ZNF536: variants seen among roughly 807,000 people sequenced by gnomAD.
ZNF536 encodes zinc finger protein 536.
In ZNF536, 13 loss-of-function variants were observed where a neutral mutation model predicts 84.5. The ratio of observed to expected loss-of-function variants is 0.15; its 90% CI spans 0.10 to 0.24. ZNF536 has a LOEUF of 0.24. ZNF536 is among the 10% of genes least tolerant of loss of function. ZNF536 has a pLI of 1.00. For missense variants in ZNF536, 1,536 were observed against 1,747.5 expected (o/e 0.88, Z 2.16); for synonymous variants, 811 against 742.5 (o/e 1.09, Z -1.50).
chr19:30,577,518 G>A (rs917158279), intron 1 of ZNF536, among the ~76,000 whole-genome samples: 3 of 152,124 alleles, frequency 2.0e-5, no homozygotes, highest in Non-Finnish European at 4.4e-5. Flanking sequence ...CCTTGAGATA[G>A]TATTTAAGTA....
intron 1 of ZNF536, among the ~76,000 whole-genome samples, chr19:30,699,294 T>G (rs1240557510): frequency 1.3e-5 from 2 of 152,218 alleles, no homozygotes; most frequent in Non-Finnish European, 2.9e-5. Context: ...TAAGGAAATA[T>G]ATGCTTGTGT....
At chr19:30,530,922 C>A (rs532760756) in intron 2 of ZNF536, among the ~76,000 whole-genome samples, 4 of 152,212 alleles carry the variant, frequency 2.6e-5, no homozygotes, top group African/African-American at 9.7e-5. Flanking sequence ...TCCTCACCAG[C>A]ACCCATCCTG....
intron 1 of ZNF536, among the ~76,000 whole-genome samples, chr19:30,407,972 G>A (rs890341257): frequency 2.0e-5 from 3 of 152,130 alleles, no homozygotes; most frequent in South Asian, 2.1e-4. Context: ...GAAAGTGGCC[G>A]TCATGAAATC....
At chr19:30,560,583 C>A (rs1057468907), downstream of ZNF536, among the ~76,000 whole-genome samples, 1 of 151,924 alleles carries the variant, frequency 6.6e-6, no homozygotes, top group African/African-American at 2.4e-5. Flanking sequence ...TAAGAGACCA[C>A]CCCCCCGCCC....
At chr19:30,585,803 C>T (rs2047076084) in intron 1 of ZNF536, among the ~76,000 whole-genome samples, 1 of 152,148 alleles carries the variant, frequency 6.6e-6, no homozygotes, top group African/African-American at 2.4e-5. Flanking sequence ...CCTCACGTCC[C>T]CCAACAAGCC....
intron 1 of ZNF536, among the ~76,000 whole-genome samples, chr19:30,692,049 C>T (rs1200758411): frequency 2.0e-5 from 3 of 152,170 alleles, no homozygotes; most frequent in Non-Finnish European, 4.4e-5. Context: ...CCCAGGCTGC[C>T]CTTAAGAGTT....
At chr19:30,404,093 G>A (rs2050167241) in intron 1 of ZNF536, among the ~76,000 whole-genome samples, 1 of 128,410 alleles carries the variant, frequency 7.8e-6, no homozygotes, top group Admixed American at 9.8e-5. Context: ...TCCATCCCAC[G>A]TTTCTTATTG....
At chr19:30,451,658 G>A (rs1600792533) in intron 2 of ZNF536, among the ~76,000 whole-genome samples, 1 of 152,160 alleles carries the variant, frequency 6.6e-6, no homozygotes, top group Non-Finnish European at 1.5e-5. Context: ...GGCAGGACAT[G>A]GTTTTGCTTG....
intron 1 of ZNF536, among the ~76,000 whole-genome samples, chr19:30,272,871 C>T (rs190407744): frequency 6.6e-6 from 1 of 152,264 alleles, no homozygotes; most frequent in East Asian, 1.9e-4. Context: ...TAATAACATT[C>T]AATAAACATT....
rs1373407396 is a variant in ZNF536, at chr19:30,372,528, G to A, written c.-31G>A. 3 of 152,106 alleles carry A rather than the reference G, an allele frequency of 2.0e-5. No homozygotes were observed. In the East Asian group the frequency reaches 5.8e-4, roughly 29 times the overall value. 9.4% of individuals were successfully genotyped at this position (152,106 alleles called of 1,614,324 possible). ...AAGTTTGTCTTGAAAAGTGAAAATG[G>A]TTCCATTTCCATTTTCCCTGTTCTC... On this transcript the variant is annotated 5_prime_UTR_variant, in exon 1 of 5. Coordinates refer to ENST00000355537, the MANE Select transcript of ZNF536 (RefSeq NM_014717.3).
chr19:30,642,914 T>A (rs1343143326), intron 1 of ZNF536, among the ~76,000 whole-genome samples: 1 of 152,146 alleles, frequency 6.6e-6, no homozygotes, highest in Non-Finnish European at 1.5e-5. Flanking sequence ...AACTGAGGTG[T>A]CTGTCTAACA....
At chr19:30,322,837 C>A (rs1344151778) in intron 2 of ZNF536, among the ~76,000 whole-genome samples, 2 of 152,082 alleles carry the variant, frequency 1.3e-5, no homozygotes, top group Non-Finnish European at 2.9e-5. Context: ...TCATGGAGAC[C>A]ACTCTGGCCT....
chr19:30,256,019 G>A (rs2024899039), intron 1 of ZNF536, among the ~76,000 whole-genome samples: 1 of 152,202 alleles, frequency 6.6e-6, no homozygotes, highest in Non-Finnish European at 1.5e-5. Context: ...GGGGCAGCTG[G>A]CGGCAGCCTC....
intron 2 of ZNF536, among the ~76,000 whole-genome samples, chr19:30,299,090 C>T (rs992846877): frequency 6.6e-6 from 1 of 152,220 alleles, no homozygotes; most frequent in Admixed American, 6.5e-5. Flanking sequence ...AAGGTAGCCT[C>T]TGTGAAAGAA....
chr19:30,256,176 T>G (rs1055073703), intron 1 of ZNF536, among the ~76,000 whole-genome samples: 3 of 152,162 alleles, frequency 2.0e-5, no homozygotes, highest in African/African-American at 7.2e-5. Context: ...CCACAGAAAC[T>G]TAAGGGTAGA....
At chr19:30,371,228 G>T (rs528521113), upstream of ZNF536, among the ~76,000 whole-genome samples, 1 of 152,106 alleles carries the variant, frequency 6.6e-6, no homozygotes, top group Admixed American at 6.5e-5. Context: ...AAATATTAAC[G>T]CTGTATTGGG....
intron 1 of ZNF536, among the ~76,000 whole-genome samples, chr19:30,627,573 C>G (rs1416150747): frequency 6.6e-6 from 1 of 150,466 alleles, no homozygotes; most frequent in Non-Finnish European, 1.5e-5. Context: ...GCTGTGTGAC[C>G]TTGGATAGGT....
At chr19:30,245,149 A>G (rs1289994970) in intron 1 of ZNF536, among the ~76,000 whole-genome samples, 1 of 152,140 alleles carries the variant, frequency 6.6e-6, no homozygotes, top group South Asian at 2.1e-4. Flanking sequence ...TTTCCTCTGC[A>G]TGGGACCCCC....
Position 30,444,245 on chromosome 19 carries a change from C to A in ZNF536, c.683C>A (p.Pro228Gln), listed in dbSNP as rs759997778. 3 of 1,546,760 alleles carry A rather than the reference C, an allele frequency of 1.9e-6. No individual in the cohort carries two copies. The highest frequency in any genetic ancestry group is 1.4e-5 in the African/African-American group (1 of 73,504). The change falls in exon 2 of 5, where the codon CCG becomes CAG. Residue 228 changes from proline (P) to glutamine (Q), a missense_variant. By Grantham distance (76) the Pro-to-Gln change is moderately conservative. Transcript: ENST00000355537. ...LQPRPDLKPP[P>Q]HAQQAPLAAC... The stretch of plus-strand genomic sequence containing the variant: ...CCCCGGCCGGACCTGAAGCCCCCGC[C>A]GCACGCCCAGCAGGCCCCGCTGGCC...
Sources: gnomAD v4.1 joint callset for allele counts (sites outside exome capture counted in the v4.1 genomes callset) on GRCh38, gnomAD v4.1.1 for gene constraint, MANE v1.5 for transcripts, NCBI Gene and HGNC (gene_info 2026-07-23, HGNC 2026-07-21) for gene names.